The following CACNA1B variants were observed in gnomAD, a reference collection of about 807,000 sequenced individuals.
CACNA1B encodes the protein calcium voltage-gated channel subunit alpha1 B.
A neutral mutation model predicts 247.2 loss-of-function variants in CACNA1B; 70 were observed. The ratio of observed to expected loss-of-function variants is 0.28; its 90% confidence interval spans 0.23 to 0.35. The LOEUF (loss-of-function observed/expected upper bound fraction) is 0.35. Ranked by LOEUF, CACNA1B falls within the 10% of genes least tolerant of loss-of-function variation. CACNA1B has a pLI of 1.00. For missense variants in CACNA1B, 2,367 were observed against 3,197.4 expected (o/e 0.74, Z 6.26); for synonymous variants, 1,231 against 1,294.4 (o/e 0.95, Z 1.05).
intron 3 of CACNA1B, among the ~76,000 whole-genome samples, chr9:137,907,589 C>A (rs926264723): frequency 6.6e-6 from 1 of 152,170 alleles, no homozygotes; most frequent in African/African-American, 2.4e-5. Context: ...ATCTTCTTCC[C>A]TCTTGTAATT....
At chr9:137,908,269 A>G (rs1957319266) in intron 3 of CACNA1B, among the ~76,000 whole-genome samples, 1 of 152,168 alleles carries the variant, frequency 6.6e-6, no homozygotes, top group African/African-American at 2.4e-5. Context: ...TAATCCCAGT[A>G]CTTTGGGAGG....
rs536598021 is a variant in CACNA1B, at chr9:137,913,099, C to T, written c.531-81C>T. Reference sequence around the variant, plus strand: ...GTGTCACTGCTCTTGGGAGACATGACCCTGGTGGTGGGAGGAGTGTGTCCT... The same window carrying T: ...GTGTCACTGCTCTTGGGAGACATGATCCTGGTGGTGGGAGGAGTGTGTCCT... On this transcript the variant is annotated intron_variant, in intron 3 of 46. Transcript: ENST00000371372. The surrounding 1 kb of genome is among the most constrained non-coding windows in gnomAD (Gnocchi z 5.2). The T allele has an allele frequency of 9.3e-7, 1 of 1,076,770 alleles. No homozygotes were observed. The highest frequency in any genetic ancestry group is 1.6e-5 in the African/African-American group (1 of 64,474). The allele number at this position is 1,076,770 out of a possible 1,614,324, so 66.7% of individuals were successfully genotyped here.
intron 35 of CACNA1B, among the ~76,000 whole-genome samples, chr9:138,077,890 C>T (rs570598155): frequency 6.6e-6 from 1 of 152,286 alleles, no homozygotes; most frequent in African/African-American, 2.4e-5. Flanking sequence ...CCCCTGGTGC[C>T]GTAGATAATT....
chr9:138,008,845 C>T (rs1958687505), intron 16 of CACNA1B, among the ~76,000 whole-genome samples: 1 of 152,226 alleles, frequency 6.6e-6, no homozygotes, highest in Admixed American at 6.5e-5. Context: ...GGCTGATGGC[C>T]TCAAGTGGAC....
chr9:138,078,593 A>G (rs2131320260), intron 36 of CACNA1B, among the ~76,000 whole-genome samples: 1 of 152,288 alleles, frequency 6.6e-6, no homozygotes. Context: ...CGGGGAAAGC[A>G]GCTGGACTGG....
At position 138,105,889 on chromosome 9, in the gene CACNA1B, G is replaced by A. The variant is rs1589131175; in HGVS notation, c.5428+82G>A. 8 of 785,544 alleles carry A rather than the reference G, an allele frequency of 1.0e-5. No individual in the cohort carries two copies. In the Admixed American group the frequency reaches 1.4e-4, roughly 14 times the overall value. 48.7% of individuals were successfully genotyped at this position (785,544 alleles called of 1,614,324 possible). A position where few individuals can be genotyped will look rare whatever the true frequency, so the allele number is the denominator to read the frequency against. On this transcript the variant is annotated intron_variant, in intron 39 of 46. Coordinates refer to ENST00000371372, the MANE Select transcript of CACNA1B (RefSeq NM_000718.4). ...CTCAGTGTCAGCCCCAGGAGGACAC[G>A]CAGGGAGGAGGGTGAGGGGCCAGCT...
intron 24 of CACNA1B, among the ~76,000 whole-genome samples, chr9:138,049,901 A>T (rs113472174): frequency 5.9e-5 from 9 of 152,052 alleles, no homozygotes; most frequent in Admixed American, 2.0e-4. Context: ...GGGCTCAGCT[A>T]CAGCTGGGGA....
Position 137,896,673 on chromosome 9 carries a change from T to C in CACNA1B, c.530+13790T>C, listed in dbSNP as rs145845804. Among the ~76,000 whole-genome samples the C allele has an allele frequency of 3.2e-3, 492 of 152,356 alleles. 2 individuals carry two copies. Among genetic ancestry groups the C allele is most frequent in the Middle Eastern group, 0.024 (7 of 294 alleles). ...TAGAAATGCTCTCCCTCTTCTATTT[T>C]CTAAAAGCCGTTGTGTGAAAACGGA... On this transcript the variant is annotated intron_variant, in intron 3 of 46. Coordinates refer to ENST00000371372, the MANE Select transcript of CACNA1B (RefSeq NM_000718.4).
chr9:138,041,885 G>A (rs141302133), intron 20 of CACNA1B, among the ~76,000 whole-genome samples: 4 of 152,058 alleles, frequency 2.6e-5, no homozygotes, highest in Admixed American at 2.6e-4. Flanking sequence ...CTCTGGAGTC[G>A]CTGGAACTGT....
At chr9:138,043,654 C>A in intron 20 of CACNA1B, 120 bp from the exon 21 acceptor site, 2 of 1,093,718 alleles carry the variant, frequency 1.8e-6, no homozygotes, top group Non-Finnish European at 2.7e-6. Flanking sequence ...GCTTGCCCAT[C>A]CCTGGTGGGC....
chr9:138,046,219 A>T (rs951952483), intron 21 of CACNA1B, among the ~76,000 whole-genome samples: 9 of 152,194 alleles, frequency 5.9e-5, no homozygotes, highest in Admixed American at 5.2e-4. Context: ...AGTGTCCAGC[A>T]CATGCCTGGC....
chr9:137,986,589 G>C lies in CACNA1B; in HGVS notation c.1901+45G>C. 2 of 1,610,242 alleles carry C rather than the reference G, an allele frequency of 1.2e-6. No individual in the cohort carries two copies. Among genetic ancestry groups the C allele is most frequent in the Non-Finnish European group, 1.7e-6 (2 of 1,177,498 alleles). On this transcript the variant is annotated intron_variant, in intron 14 of 46. Coordinates refer to ENST00000371372, the MANE Select transcript of CACNA1B (RefSeq NM_000718.4). The surrounding 1 kb of genome is among the most constrained non-coding windows in gnomAD (Gnocchi z 6.0). Reference sequence around the variant, plus strand: ...AGAGCTCAAGGCTGGGGGCTTGCAGGGAAGCAGAGCTCAGAGCAGACGGTG... The same window carrying C: ...AGAGCTCAAGGCTGGGGGCTTGCAGCGAAGCAGAGCTCAGAGCAGACGGTG...
Position 137,880,341 on chromosome 9 carries a change from G to A in CACNA1B, c.390+1182G>A, listed in dbSNP as rs980055025. ...AGCCCAGCCACACCATGAGGCAGGC[G>A]TGAGTCATGGTCCCTGTGGGGGACT... On this transcript the variant is annotated intron_variant, in intron 2 of 46. Transcript: ENST00000371372. The surrounding 1 kb of genome is among the most constrained non-coding windows in gnomAD (Gnocchi z 4.8). Among the ~76,000 whole-genome samples the A allele has an allele frequency of 1.3e-5, 2 of 152,230 alleles. No individual in the cohort carries two copies. Among genetic ancestry groups the A allele is most frequent in the African/African-American group, 4.8e-5 (2 of 41,458 alleles).
In CACNA1B at chr9:138,043,826, G is replaced by T; in HGVS notation, c.3339G>T (p.Ala1113=). Reference sequence around the variant, plus strand: ...CAGAGGGGAAGAAGGAGGTGGAAGCGGATGACGTGATGAGGAGCGGCCCCC... The same window carrying T: ...CAGAGGGGAAGAAGGAGGTGGAAGCTGATGACGTGATGAGGAGCGGCCCCC... ...SQAEGKKEVE[A]DDVMRSGPRP... The change falls in exon 21 of 47, where the codon GCG becomes GCT. Residue 1113 remains alanine, a synonymous_variant. Coordinates refer to ENST00000371372, the MANE Select transcript of CACNA1B (RefSeq NM_000718.4). 1 of 1,613,950 alleles carries T rather than the reference G, an allele frequency of 6.2e-7. No individual in the cohort carries two copies. Among genetic ancestry groups the T allele is most frequent in the South Asian group, 1.1e-5 (1 of 91,086 alleles).
At chr9:138,067,512 A>G (rs1959961497) in intron 31 of CACNA1B, among the ~76,000 whole-genome samples, 1 of 152,224 alleles carries the variant, frequency 6.6e-6, no homozygotes. Flanking sequence ...ACGAGTGGAT[A>G]ACATTGTGAA....
In CACNA1B at chr9:137,952,372, C is replaced by G. The variant is rs200389919; in HGVS notation, c.1065C>G (p.Leu355=). 7 of 1,613,314 alleles carry G rather than the reference C, an allele frequency of 4.3e-6. No individual in the cohort carries two copies. Among genetic ancestry groups the G allele is most frequent in the East Asian group, 2.2e-5 (1 of 44,864 alleles). The change falls in exon 7 of 47, where the codon CTC becomes CTG. Residue 355 remains leucine, a synonymous_variant. Coordinates refer to ENST00000371372, the MANE Select transcript of CACNA1B (RefSeq NM_000718.4). This position sits in a 1 kb window ranked among gnomAD's most constrained non-coding sequence, Gnocchi z 4.8. The part of the protein sequence containing the change: ...FFMLNLVLGV[L]SGEFAKERER... ...TGCTCAACCTGGTGCTGGGCGTGCT[C>G]TCGGGGTGAGAGACCATGTGGGGGA... is the stretch of plus-strand genomic sequence containing the variant.
At position 137,973,324 on chromosome 9, in the gene CACNA1B, G is replaced by T. The variant is rs1958178953; in HGVS notation, c.1543+1732G>T. Among the ~76,000 whole-genome samples the T allele has an allele frequency of 6.6e-6, 1 of 152,196 alleles. No homozygotes were observed. The highest frequency in any genetic ancestry group is 1.5e-5 in the Non-Finnish European group (1 of 68,024). ...GACAGCCGGGCTGGGCCTGAGGGAG[G>T]CTTGCTCAGTAGGTAGGACAGGCTT... On this transcript the variant is annotated intron_variant, in intron 11 of 46. Transcript: ENST00000371372. The surrounding 1 kb of genome is among the most constrained non-coding windows in gnomAD (Gnocchi z 4.1).
chr9:137,912,598 A>G (rs1006777941), intron 3 of CACNA1B, among the ~76,000 whole-genome samples: 1 of 152,182 alleles, frequency 6.6e-6, no homozygotes, highest in Non-Finnish European at 1.5e-5. Context: ...TGTTCTTAAG[A>G]TGGGAGATAC....
intron 3 of CACNA1B, among the ~76,000 whole-genome samples, chr9:137,900,988 C>T (rs944531827): frequency 2.2e-5 from 3 of 138,956 alleles, no homozygotes; most frequent in African/African-American, 5.5e-5. Flanking sequence ...GTGTCTGTGT[C>T]CCTGTGTCCG....
Sources: gnomAD v4.1 joint callset for allele counts (sites outside exome capture counted in the v4.1 genomes callset) on GRCh38, gnomAD v4.1.1 for gene constraint, Gnocchi (gnomAD v3.1) non-coding constraint, MANE v1.5 for transcripts, NCBI Gene and HGNC (gene_info 2026-07-23, HGNC 2026-07-21) for gene names.